GALNT13: variants seen among roughly 807,000 people sequenced by gnomAD.
The protein encoded by GALNT13 is UDP-GalNAc:polypeptide N-acetylgalactosaminyltransferase 13.
In GALNT13, 28 loss-of-function variants were observed where a neutral mutation model predicts 64.2. That is an observed-to-expected ratio of 0.44 (90% CI 0.32 to 0.60). The LOEUF (loss-of-function observed/expected upper bound fraction) is 0.60. Ranked by LOEUF, GALNT13 falls within the 20% of genes least tolerant of loss-of-function variation. The pLI is 0.05. For synonymous variants in GALNT13, 214 were observed against 224.6 expected, an observed-to-expected ratio of 0.95 and a Z score of 0.42; for missense variants, 577 against 669.8, an observed-to-expected ratio of 0.86 and a Z score of 1.53.
the GALNT13 span, among the ~76,000 whole-genome samples, chr2:153,827,947 C>T: frequency 1.3e-5 from 2 of 152,308 alleles, no homozygotes; most frequent in South Asian, 2.1e-4. Context: ...AACAAGGGGG[C>T]TACAGGCCCC....
chr2:153,416,946 G>T, the GALNT13 span, among the ~76,000 whole-genome samples: 2 of 152,136 alleles, frequency 1.3e-5, no homozygotes, highest in African/African-American at 4.8e-5. Flanking sequence ...GAAGTGAAGG[G>T]CTTCTGAGCA....
chr2:154,273,205 TGAAGG>T (rs1388518636), intron 8 of GALNT13, among the ~76,000 whole-genome samples: 1 of 152,036 alleles, frequency 6.6e-6, no homozygotes, highest in Non-Finnish European at 1.5e-5. Flanking sequence ...AGGTGGAGGA[TGAAGG>T]GTAGAGAACT....
At chr2:153,155,632 A>G in the GALNT13 span, among the ~76,000 whole-genome samples, 1 of 151,902 alleles carries the variant, frequency 6.6e-6, no homozygotes, top group African/African-American at 2.4e-5. Flanking sequence ...TAGTCTAGCA[A>G]GTGGTCTATC....
At chr2:154,380,508 C>T (rs1350089462) in intron 9 of GALNT13, among the ~76,000 whole-genome samples, 1 of 151,826 alleles carries the variant, frequency 6.6e-6, no homozygotes, top group East Asian at 1.9e-4. Context: ...TAAATGATGA[C>T]CTAAACAACC....
At chr2:154,142,999 T>C (rs1275450429) in intron 4 of GALNT13, among the ~76,000 whole-genome samples, 3 of 152,184 alleles carry the variant, frequency 2.0e-5, no homozygotes, top group Admixed American at 6.5e-5. Flanking sequence ...CTTTGTTTTA[T>C]ATGCTGTAGT....
intron 7 of GALNT13, among the ~76,000 whole-genome samples, chr2:154,246,463 G>T (rs902395731): frequency 1.3e-5 from 2 of 151,872 alleles, no homozygotes; most frequent in Admixed American, 6.6e-5. Context: ...ATTATGAAGG[G>T]CTTATTATCC....
At chr2:154,195,641 T>G (rs923661095) in intron 4 of GALNT13, among the ~76,000 whole-genome samples, 1 of 152,162 alleles carries the variant, frequency 6.6e-6, no homozygotes, top group Non-Finnish European at 1.5e-5. Context: ...CTTTGTTTAG[T>G]GCAAGGCCTT....
the GALNT13 span, among the ~76,000 whole-genome samples, chr2:153,684,419 T>C: frequency 1.7e-4 from 26 of 151,698 alleles, no homozygotes; most frequent in African/African-American, 6.3e-4. Context: ...AGGAGTAATG[T>C]AACTATTTTT....
At chr2:153,678,175 A>ATATATATC in the GALNT13 span, among the ~76,000 whole-genome samples, 3 of 149,750 alleles carry the variant, frequency 2.0e-5, no homozygotes, top group Admixed American at 1.3e-4. Flanking sequence ...ATATATATAT[A>ATATATATC]TCCAATATAT....
intron 10 of GALNT13, among the ~76,000 whole-genome samples, chr2:154,405,538 G>A (rs1699490908): frequency 6.6e-6 from 1 of 150,568 alleles, no homozygotes; most frequent in East Asian, 2.0e-4. Context: ...CCTGAGGTCA[G>A]GATTTCGAGA....
At chr2:153,377,227 A>C in the GALNT13 span, among the ~76,000 whole-genome samples, 2 of 152,154 alleles carry the variant, frequency 1.3e-5, no homozygotes, top group Non-Finnish European at 2.9e-5. Flanking sequence ...TAGAGAAATC[A>C]ACCTTTCTGG....
At chr2:154,110,004 G>C (rs1340899073) in intron 3 of GALNT13, among the ~76,000 whole-genome samples, 1 of 151,676 alleles carries the variant, frequency 6.6e-6, no homozygotes, top group African/African-American at 2.4e-5. Context: ...GTTTGGATGT[G>C]TTCATTTCTT....
At chr2:153,654,718 A>G in the GALNT13 span, among the ~76,000 whole-genome samples, 72 of 152,276 alleles carry the variant, frequency 4.7e-4, no homozygotes, top group African/African-American at 1.5e-3. Context: ...ATTCATTATT[A>G]TAAGTAATCT....
chr2:153,070,226 C>G, the GALNT13 span, among the ~76,000 whole-genome samples: 1 of 152,076 alleles, frequency 6.6e-6, no homozygotes, highest in Non-Finnish European at 1.5e-5. Flanking sequence ...AGGCTACGTA[C>G]TATAAGATTC....
At chr2:153,198,338 AT>A in the GALNT13 span, among the ~76,000 whole-genome samples, 1 of 152,132 alleles carries the variant, frequency 6.6e-6, no homozygotes, top group Admixed American at 6.5e-5. Flanking sequence ...CATGACTAGA[AT>A]TACAGGAGTC....
chr2:154,408,963 C>T (rs747855596), intron 10 of GALNT13, 21 bp from the exon 11 acceptor site: 5 of 1,436,016 alleles, frequency 3.5e-6, no homozygotes, highest in African/African-American at 1.4e-5. Context: ...TTATCCCCCC[C>T]CTTTTGTGTG....
chr2:153,825,844 G>A, the GALNT13 span, among the ~76,000 whole-genome samples: 1 of 152,128 alleles, frequency 6.6e-6, no homozygotes, highest in Non-Finnish European at 1.5e-5. Context: ...TTTGTATGAA[G>A]TTCATTTCCA....
chr2:153,112,001 A>G, the GALNT13 span, among the ~76,000 whole-genome samples: 1 of 152,096 alleles, frequency 6.6e-6, no homozygotes, highest in Non-Finnish European at 1.5e-5. Flanking sequence ...GGGGATATGA[A>G]TTTACCCCCT....
chr2:154,164,269 A>G (rs1409860800), intron 4 of GALNT13, among the ~76,000 whole-genome samples: 1 of 152,178 alleles, frequency 6.6e-6, no homozygotes, highest in Non-Finnish European at 1.5e-5. Flanking sequence ...GGGGTAAATT[A>G]CCATATAGAT....
Sources: gnomAD v4.1 joint callset for allele counts (sites outside exome capture counted in the v4.1 genomes callset) on GRCh38, gnomAD v4.1.1 for gene constraint, MANE v1.5 for transcripts, NCBI Gene and HGNC (gene_info 2026-07-23, HGNC 2026-07-21) for gene names.